The following COL16A1 variants were observed in gnomAD, a reference collection of about 807,000 sequenced individuals.
COL16A1 encodes collagen type XVI alpha 1 chain.
COL16A1 carries 189 observed loss-of-function variants against 266.3 expected under a neutral mutation model. The observed-to-expected ratio is 0.71, with a 90% CI of 0.63 to 0.80. COL16A1 has a LOEUF of 0.80. Ranked by LOEUF, COL16A1 falls within the 30% of genes least tolerant of loss-of-function variation. COL16A1 has a pLI of 0.00. For synonymous variants in COL16A1, 740 were observed against 782.3 expected, an observed-to-expected ratio of 0.95 and a Z score of 0.90; for missense variants, 1,928 against 2,122.4, an observed-to-expected ratio of 0.91 and a Z score of 1.80.
intron 22 of COL16A1, 155 bp from the exon 23 acceptor site, chr1:31,690,006 G>A: frequency 1.5e-6 from 1 of 655,894 alleles, no homozygotes; most frequent in Non-Finnish European, 2.6e-6. Context: ...GGGGCTTCCT[G>A]TTCAACTGAC....
intron 44 of COL16A1, 170 bp from the exon 45 acceptor site, chr1:31,673,010 C>T (rs569522667): frequency 5.1e-4 from 357 of 704,096 alleles, no homozygotes; most frequent in Non-Finnish European, 7.1e-4. Context: ...TTGCTCCATC[C>T]TCGGGGGACC....
At position 31,695,923 on chromosome 1, in the gene COL16A1, T is replaced by G. The variant is rs55782373; in HGVS notation, c.919-136A>C. On this transcript the variant is annotated intron_variant, in intron 9 of 70. Coordinates refer to ENST00000373672, the MANE Select transcript of COL16A1 (RefSeq NM_001856.4). Reference sequence around the variant, plus strand: ...AGGCACTGCGTCTGTCTCACCCCCATCCGTCCTTCTTGATCAGAGCTGGCA... The same window carrying G: ...AGGCACTGCGTCTGTCTCACCCCCAGCCGTCCTTCTTGATCAGAGCTGGCA... 1,073 of 981,930 alleles carry G rather than the reference T, an allele frequency of 1.1e-3. 10 individuals are homozygous for G. The African/African-American group carries it at 0.015, about 14-fold the overall frequency. The allele number at this position is 981,930 out of a possible 1,614,324, so 60.8% of individuals were successfully genotyped here. A position where few individuals can be genotyped will look rare whatever the true frequency, so the allele number is the denominator to read the frequency against.
intron 37 of COL16A1, 131 bp downstream of exon 37, chr1:31,682,803 C>T: frequency 9.0e-7 from 1 of 1,110,444 alleles, no homozygotes; most frequent in Non-Finnish European, 1.3e-6. Flanking sequence ...TTGTCTGAGG[C>T]TGGGCTGAGG....
At chr1:31,702,321 C>T in intron 1 of COL16A1, 94 bp from the exon 2 acceptor site, 1 of 1,325,108 alleles carries the variant, frequency 7.5e-7, no homozygotes, top group Non-Finnish European at 1.1e-6. Flanking sequence ...GGGGCCCAGG[C>T]ACTGGTATTG....
At chr1:31,653,697 A>G in intron 69 of COL16A1, 21 bp from the exon 70 acceptor site, 9 of 1,610,678 alleles carry the variant, frequency 5.6e-6, no homozygotes, top group Non-Finnish European at 7.6e-6. Flanking sequence ...AGAAATAAAT[A>G]AGTCCTATCC....
At position 31,689,792 on chromosome 1, in the gene COL16A1, A is replaced by G. The variant is rs1369628179; in HGVS notation, c.1569T>C (p.Leu523=). Residue 523 remains leucine (L), a synonymous_variant, in exon 23 of 71, where the codon CTT becomes CTC. Coordinates refer to ENST00000373672, the MANE Select transcript of COL16A1 (RefSeq NM_001856.4). Reference sequence around the variant, plus strand: ...CCCCTTTGGGCCCTGGCTTTCCAGGAAGTCCAACAAAGTTCTGGAACCCTT... The same window carrying G: ...CCCCTTTGGGCCCTGGCTTTCCAGGGAGTCCAACAAAGTTCTGGAACCCTT... ...LPEGFQNFVG[L]PGKPGPKGEP... is the part of the protein sequence containing the mutation. 6.2e-7 allele frequency: 1 copy of G among 1,614,166 alleles called. No individual in the cohort carries two copies. The highest frequency in any genetic ancestry group is 1.1e-5 in the South Asian group (1 of 91,082).
intron 42 of COL16A1, among the ~76,000 whole-genome samples, chr1:31,676,217 C>T (rs1054894008): frequency 6.6e-6 from 1 of 151,128 alleles, no homozygotes; most frequent in Non-Finnish European, 1.5e-5. Context: ...CCCAGATACA[C>T]GGGAGGCTGA....
At chr1:31,671,261 C>T (rs1214553668) in intron 48 of COL16A1, among the ~76,000 whole-genome samples, 1 of 152,218 alleles carries the variant, frequency 6.6e-6, no homozygotes. Flanking sequence ...CAGCATGCCG[C>T]ATGCTTCCCT....
intron 12 of COL16A1, among the ~76,000 whole-genome samples, 157 bp downstream of exon 12, chr1:31,693,987 A>AC (rs1644387958): frequency 6.6e-6 from 1 of 152,032 alleles, no homozygotes; most frequent in Admixed American, 6.5e-5. Context: ...ACACACACAA[A>AC]CCCCTGCTTT....
chr1:31,674,287 A>G (rs1642990512), intron 44 of COL16A1, among the ~76,000 whole-genome samples: 1 of 152,188 alleles, frequency 6.6e-6, no homozygotes, highest in Non-Finnish European at 1.5e-5. Flanking sequence ...GCTGGGCTAG[A>G]GGAGAGAAAG....
intron 23 of COL16A1, chr1:31,689,524 G>A (rs1318750142): frequency 1.0e-5 from 6 of 593,526 alleles, no homozygotes; most frequent in Non-Finnish European, 1.5e-5. Flanking sequence ...GAAAGCCCTG[G>A]GAGGTTGCCA....
intron 34 of COL16A1, 126 bp from the exon 35 acceptor site, chr1:31,683,495 A>T (rs1167224816): frequency 1.9e-6 from 3 of 1,589,622 alleles, no homozygotes; most frequent in Non-Finnish European, 2.6e-6. Context: ...GAGCTCCCCA[A>T]GGAGACCCTG....
chr1:31,683,251 C>T lies in COL16A1; in HGVS notation c.2416-4G>A. 1 of 1,614,204 alleles carries T rather than the reference C, an allele frequency of 6.2e-7. No homozygotes were observed. The highest frequency in any genetic ancestry group is 8.5e-7 in the Non-Finnish European group (1 of 1,180,042). ...GTCCCCGAGGTCCCGGAAGTCCCTG[C>T]AGATGGAAGCACAGTTAGTTAACCC... On this transcript the variant is annotated splice_polypyrimidine_tract_variant and splice_region_variant and intron_variant, in intron 35 of 70. Transcript: ENST00000373672.
chr1:31,656,352 C>A lies in COL16A1; in HGVS notation c.4101+48G>T. ...AAAGCCGTAACTTGCAGCTGGGCTT[C>A]ATCCACTCGTGAGCTTCTCCTCTCA... On this transcript the variant is annotated intron_variant, in intron 66 of 70. Coordinates refer to ENST00000373672, the MANE Select transcript of COL16A1 (RefSeq NM_001856.4). The surrounding 1 kb of genome is among the most constrained non-coding windows in gnomAD (Gnocchi z 4.2). 6.2e-7 allele frequency: 1 copy of A among 1,606,226 alleles called. No individual in the cohort carries two copies. Among genetic ancestry groups the A allele is most frequent in the South Asian group, 1.1e-5 (1 of 89,140 alleles).
chr1:31,672,653 A>G lies in COL16A1; in HGVS notation c.2977-16T>C. The G allele has an allele frequency of 6.2e-7, 1 of 1,605,638 alleles. No homozygotes were observed. The highest frequency in any genetic ancestry group is 8.5e-7 in the Non-Finnish European group (1 of 1,175,066). ...ACAAAAAGCACTGCAAGGGACAATG[A>G]GAGGCACATTGTCTGATGAGGCAGC... On this transcript the variant is annotated splice_polypyrimidine_tract_variant and intron_variant, in intron 45 of 70. Coordinates refer to ENST00000373672, the MANE Select transcript of COL16A1 (RefSeq NM_001856.4).
chr1:31,688,686 G>T lies in COL16A1; in HGVS notation c.1767+175C>A. On this transcript the variant is annotated intron_variant, in intron 25 of 70. Coordinates refer to ENST00000373672, the MANE Select transcript of COL16A1 (RefSeq NM_001856.4). The surrounding 1 kb of genome is among the most constrained non-coding windows in gnomAD (Gnocchi z 4.9). ...TGCTAAGAGGAAGTTCCAGGGCAAG[G>T]AGCCTGGGGCAGCACAGGGACGGAG... 9.2e-7 allele frequency: 1 copy of T among 1,090,908 alleles called. No homozygotes were observed. Among genetic ancestry groups the T allele is most frequent in the Non-Finnish European group, 1.4e-6 (1 of 738,738 alleles). 67.6% of individuals were successfully genotyped at this position (1,090,908 alleles called of 1,614,324 possible). A position where few individuals can be genotyped will look rare whatever the true frequency, so the allele number is the denominator to read the frequency against.
Position 31,688,427 on chromosome 1 carries a change from A to G in COL16A1, c.1803+40T>C. On this transcript the variant is annotated intron_variant, in intron 26 of 70. Coordinates refer to ENST00000373672, the MANE Select transcript of COL16A1 (RefSeq NM_001856.4). This position sits in a 1 kb window ranked among gnomAD's most constrained non-coding sequence, Gnocchi z 4.9. ...ACCACTCCTCCCCTGCCTGCCTGCC[A>G]AGAAACTCCAGTGTCCCTGACATCT... The G allele has an allele frequency of 6.2e-7, 1 of 1,613,548 alleles. No homozygotes were observed. The highest frequency in any genetic ancestry group is 8.5e-7 in the Non-Finnish European group (1 of 1,179,532).
Position 31,680,039 on chromosome 1 carries a change from T to A in COL16A1, c.2670+3A>T, listed in dbSNP as rs1369804698. ...GGGGGAAGGCTCTCACAGCGCCACTTACCGGCATGCCAGAGAAGATGAGGT... is the reference window on the plus strand; with the variant it reads ...GGGGGAAGGCTCTCACAGCGCCACTAACCGGCATGCCAGAGAAGATGAGGT... On this transcript the variant is annotated splice_donor_region_variant and intron_variant, in intron 40 of 70. Coordinates refer to ENST00000373672, the MANE Select transcript of COL16A1 (RefSeq NM_001856.4). 2 of 1,613,698 alleles carry A rather than the reference T, an allele frequency of 1.2e-6. No homozygotes were observed. The highest frequency in any genetic ancestry group is 2.7e-5 in the African/African-American group (2 of 74,918).
In COL16A1 at chr1:31,672,406, C is replaced by T. The variant is rs776579380; in HGVS notation, c.3105+10G>A. ...CTCCCTTGAGGATGAATCCCCATCC[C>T]TGGTCTTACCTCTTCTCCTCTCTGG... is the stretch of plus-strand genomic sequence containing the variant. On this transcript the variant is annotated intron_variant, in intron 47 of 70. Transcript: ENST00000373672. 5 of 1,614,052 alleles carry T rather than the reference C, an allele frequency of 3.1e-6. No homozygotes were observed. Among genetic ancestry groups the T allele is most frequent in the Non-Finnish European group, 4.2e-6 (5 of 1,179,978 alleles).
Sources: allele counts gnomAD v4.1 joint callset (sites outside exome capture counted in the v4.1 genomes callset), GRCh38; gene constraint gnomAD v4.1.1; non-coding constraint Gnocchi (gnomAD v3.1); transcripts MANE v1.5; gene names NCBI Gene and HGNC (gene_info 2026-07-23, HGNC 2026-07-21).